CRYGN: variants seen among roughly 807,000 people sequenced by gnomAD.
CRYGN encodes the protein gamma-crystallin N.
A neutral mutation model predicts 19.2 loss-of-function variants in CRYGN; 17 were observed. The ratio of observed to expected loss-of-function variants is 0.89; its 90% CI spans 0.61 to 1.33. The LOEUF (loss-of-function observed/expected upper bound fraction) is 1.33, where lower values mean the gene tolerates loss of function less well. Ranked by LOEUF, CRYGN falls within the 40% of genes most tolerant of loss-of-function variation. CRYGN has a pLI of 0.00. For missense variants in CRYGN, 239 were observed against 239.6 expected (o/e 1.00, Z 0.02); for synonymous variants, 84 against 85.8 (o/e 0.98, Z 0.12).
chr7:151,431,811 G>T lies in CRYGN; in HGVS notation c.417-1631C>A. On this transcript the variant is annotated intron_variant, in intron 3 of 3. Coordinates refer to ENST00000337323, the MANE Select transcript of CRYGN (RefSeq NM_144727.3). This position sits in a 1 kb window ranked among gnomAD's most constrained non-coding sequence, Gnocchi z 4.8. ...AGGCCTTTGGCCACATGGCCTGGCAGCCTCACCTTGCCGAGTCACAGAGAG... is the reference window on the plus strand; with the variant it reads ...AGGCCTTTGGCCACATGGCCTGGCATCCTCACCTTGCCGAGTCACAGAGAG... 1 of 185,662 alleles carries T rather than the reference G, an allele frequency of 5.4e-6. No individual in the cohort carries two copies. Among genetic ancestry groups the T allele is most frequent in the Non-Finnish European group, 1.1e-5 (1 of 90,182 alleles). The allele number at this position is 185,662 out of a possible 1,614,324, so 11.5% of individuals were successfully genotyped here. A position where few individuals can be genotyped will look rare whatever the true frequency, so the allele number is the denominator to read the frequency against.
chr7:151,432,816 C>T (rs556728482), intron 3 of CRYGN, among the ~76,000 whole-genome samples: 20 of 152,286 alleles, frequency 1.3e-4, no homozygotes, highest in Non-Finnish European at 2.8e-4. Flanking sequence ...CACTGCACGC[C>T]CCACACACTC....
Position 151,431,463 on chromosome 7 carries a change from A to T in CRYGN, c.417-1283T>A, listed in dbSNP as rs1165438255. Reference sequence around the variant, plus strand: ...GGGCCCAGGAATGGAGGAATTCTACAGGCGAGCGCTTGGTGCTGCACCAGC... The same window carrying T: ...GGGCCCAGGAATGGAGGAATTCTACTGGCGAGCGCTTGGTGCTGCACCAGC... On this transcript the variant is annotated intron_variant, in intron 3 of 3. Transcript: ENST00000337323. The surrounding 1 kb of genome is among the most constrained non-coding windows in gnomAD (Gnocchi z 4.8). 6.6e-6 allele frequency among the ~76,000 whole-genome samples: 1 copy of T among 152,142 alleles called. No individual in the cohort carries two copies. Among genetic ancestry groups the T allele is most frequent in the Non-Finnish European group, 1.5e-5 (1 of 67,998 alleles).
chr7:151,439,391 C>T (rs1256068077), intron 1 of CRYGN, among the ~76,000 whole-genome samples: 1 of 152,166 alleles, frequency 6.6e-6, no homozygotes, highest in Admixed American at 6.5e-5. Flanking sequence ...GCCAGGTCTC[C>T]CGTCCTTCCT....
In CRYGN at chr7:151,440,076, C is replaced by T; in HGVS notation, c.-159G>A. 7.3e-7 allele frequency: 1 copy of T among 1,361,340 alleles called. No homozygotes were observed. The highest frequency in any genetic ancestry group is 2.7e-4 in the Middle Eastern group (1 of 3,664). The allele number at this position is 1,361,340 out of a possible 1,614,324, so 84.3% of individuals were successfully genotyped here. A position where few individuals can be genotyped will look rare whatever the true frequency, so the allele number is the denominator to read the frequency against. On this transcript the variant is annotated 5_prime_UTR_variant, in exon 1 of 4. Coordinates refer to ENST00000337323, the MANE Select transcript of CRYGN (RefSeq NM_144727.3). ...GCCACCAGGCGGTTGGGACCCGCCG[C>T]GGCCACCCTGTGCCACCGCGAGTGC...
rs559771919 is a variant in CRYGN, at chr7:151,435,468, C to T, written c.416+712G>A. Among the ~76,000 whole-genome samples, 1 of 152,246 alleles carries T rather than the reference C, an allele frequency of 6.6e-6. No homozygotes were observed. The highest frequency in any genetic ancestry group is 2.1e-4 in the South Asian group (1 of 4,822). The stretch of plus-strand genomic sequence containing the variant: ...AATACATGGCCAACTTGAAGGTGCT[C>T]AGAGGATAGTTGCAAAAGGGGAGTG... On this transcript the variant is annotated intron_variant, in intron 3 of 3. Transcript: ENST00000337323. This position sits in a 1 kb window ranked among gnomAD's most constrained non-coding sequence, Gnocchi z 4.2.
At position 151,436,135 on chromosome 7, in the gene CRYGN, G is replaced by A. The variant is rs546444296; in HGVS notation, c.416+45C>T. The A allele has an allele frequency of 8.3e-5, 114 of 1,369,204 alleles. No individual in the cohort carries two copies. The highest frequency in any genetic ancestry group is 1.6e-4 in the African/African-American group (11 of 67,152). 84.8% of individuals were successfully genotyped at this position (1,369,204 alleles called of 1,614,324 possible). On this transcript the variant is annotated intron_variant, in intron 3 of 3. Coordinates refer to ENST00000337323, the MANE Select transcript of CRYGN (RefSeq NM_144727.3). This position sits in a 1 kb window ranked among gnomAD's most constrained non-coding sequence, Gnocchi z 5.1. ...GCAGCCTCCCACGCCTGGTGCTGAA[G>A]GGCCTAGCCGGGCCTCGGGGTGCGG...
intron 2 of CRYGN, 34 bp downstream of exon 2, chr7:151,437,962 G>A (rs760805075): frequency 6.2e-7 from 1 of 1,608,712 alleles, no homozygotes; most frequent in South Asian, 1.1e-5. Flanking sequence ...CCTCCAGCAG[G>A]AAGACTCAGC....
rs73476444 is a variant in CRYGN at position 151,430,096 on chromosome 7, G to T, written c.501C>A (p.Thr167=). ...GTGGCTGGGTTGTTGCTGGTTTTGT[G>T]GTGGCCTCTTCCGGTCCTTGATCTG... ...LQSDQGPEEA[T]TKPATTQPPF... Residue 167 remains threonine (T), a synonymous_variant, in exon 4 of 4, where the codon ACC becomes ACA. Transcript: ENST00000337323. The surrounding 1 kb of genome is among the most constrained non-coding windows in gnomAD (Gnocchi z 5.2). The T allele has an allele frequency of 0.01, 15,709 of 1,532,502 alleles. 416 individuals are homozygous for T. The highest frequency in any genetic ancestry group is 0.086 in the African/African-American group (6,302 of 73,356). 94.9% of individuals were successfully genotyped at this position (1,532,502 alleles called of 1,614,324 possible).
chr7:151,429,976 C>T lies in CRYGN; in HGVS notation c.*72G>A. The stretch of plus-strand genomic sequence containing the variant: ...CTGGCAGAGAAATGAAAACTGAGGG[C>T]ATGATTTTAAGTAAACACTCTCCCG... On this transcript the variant is annotated 3_prime_UTR_variant, in exon 4 of 4. Coordinates refer to ENST00000337323, the MANE Select transcript of CRYGN (RefSeq NM_144727.3). 1 of 781,628 alleles carries T rather than the reference C, an allele frequency of 1.3e-6. No homozygotes were observed. Among genetic ancestry groups the T allele is most frequent in the Non-Finnish European group, 2.4e-6 (1 of 422,028 alleles). 48.4% of individuals were successfully genotyped at this position (781,628 alleles called of 1,614,324 possible).
chr7:151,440,148 C>A, upstream of CRYGN: 1 of 1,307,564 alleles, frequency 7.6e-7, no homozygotes, highest in African/African-American at 1.6e-5. Context: ...GTTTAGCTCC[C>A]GAGCCTCCTT....
rs2150909233 is a variant in CRYGN, at chr7:151,437,911, C to T, written c.270+85G>A. On this transcript the variant is annotated intron_variant, in intron 2 of 3. Coordinates refer to ENST00000337323, the MANE Select transcript of CRYGN (RefSeq NM_144727.3). ...CTTTAAAGCCGGGAGGACCACGCTC[C>T]CCGATTCCTTGCCACTGTCTGCCAG... 1.0e-5 allele frequency: 16 copies of T among 1,597,610 alleles called. 1 individual carries two copies. In the African/African-American group the frequency reaches 1.6e-4, roughly 16 times the overall value.
At position 151,429,871 on chromosome 7, in the gene CRYGN, G is replaced by C. The variant is rs1801424512; in HGVS notation, c.*177C>G. Reference sequence around the variant, plus strand: ...GGAGGGTTGGACGGCTGTTTCAGAAGAGACAGGGCCCTTGCCATGGGTGGG... The same window carrying C: ...GGAGGGTTGGACGGCTGTTTCAGAACAGACAGGGCCCTTGCCATGGGTGGG... On this transcript the variant is annotated 3_prime_UTR_variant, in exon 4 of 4. Coordinates refer to ENST00000337323, the MANE Select transcript of CRYGN (RefSeq NM_144727.3). 1.6e-6 allele frequency: 1 copy of C among 625,768 alleles called. No individual in the cohort carries two copies. The highest frequency in any genetic ancestry group is 2.7e-5 in the Admixed American group (1 of 36,532). The allele number at this position is 625,768 out of a possible 1,614,324, so 38.8% of individuals were successfully genotyped here. A position where few individuals can be genotyped will look rare whatever the true frequency, so the allele number is the denominator to read the frequency against.
rs1014211471 is a variant in CRYGN, at chr7:151,436,097, C to T, written c.416+83G>A. The stretch of plus-strand genomic sequence containing the variant: ...GTCTCATTCCCACCCCACCCACCAC[C>T]CCTGTGTGGCGGGCAGCCTCCCACG... On this transcript the variant is annotated intron_variant, in intron 3 of 3. Coordinates refer to ENST00000337323, the MANE Select transcript of CRYGN (RefSeq NM_144727.3). This position sits in a 1 kb window ranked among gnomAD's most constrained non-coding sequence, Gnocchi z 5.1. 7 of 1,146,616 alleles carry T rather than the reference C, an allele frequency of 6.1e-6. No homozygotes were observed. The African/African-American group carries it at 1.1e-4, about 18-fold the overall frequency. 71.0% of individuals were successfully genotyped at this position (1,146,616 alleles called of 1,614,324 possible).
In CRYGN at chr7:151,430,096, G is replaced by A; in HGVS notation, c.501C>T (p.Thr167=). The A allele has an allele frequency of 6.5e-7, 1 of 1,532,550 alleles. No homozygotes were observed. Among genetic ancestry groups the A allele is most frequent in the Non-Finnish European group, 9.0e-7 (1 of 1,105,484 alleles). 94.9% of individuals were successfully genotyped at this position (1,532,550 alleles called of 1,614,324 possible). ...LQSDQGPEEA[T]TKPATTQPPF... is the part of the protein sequence containing the mutation. The stretch of plus-strand genomic sequence containing the variant: ...GTGGCTGGGTTGTTGCTGGTTTTGT[G>A]GTGGCCTCTTCCGGTCCTTGATCTG... Residue 167 remains threonine (T), a synonymous_variant, in exon 4 of 4, where the codon ACC becomes ACT. Coordinates refer to ENST00000337323, the MANE Select transcript of CRYGN (RefSeq NM_144727.3). The surrounding 1 kb of genome is among the most constrained non-coding windows in gnomAD (Gnocchi z 5.2).
rs1431312649 is a variant in CRYGN, at chr7:151,429,753, C to T, written c.*295G>A. On this transcript the variant is annotated 3_prime_UTR_variant, in exon 4 of 4. Transcript: ENST00000337323. ...AAGTCAGTGCTCCATAAATATTCAT[C>T]AACATCATCACCATCATCAGCTGTG... 4 of 460,452 alleles carry T rather than the reference C, an allele frequency of 8.7e-6. No individual in the cohort carries two copies. The highest frequency in any genetic ancestry group is 7.2e-5 in the Admixed American group (2 of 27,770). The allele number at this position is 460,452 out of a possible 1,614,324, so 28.5% of individuals were successfully genotyped here.
In CRYGN at chr7:151,435,679, G is replaced by A. The variant is rs1801585449; in HGVS notation, c.416+501C>T. On this transcript the variant is annotated intron_variant, in intron 3 of 3. Coordinates refer to ENST00000337323, the MANE Select transcript of CRYGN (RefSeq NM_144727.3). The surrounding 1 kb of genome is among the most constrained non-coding windows in gnomAD (Gnocchi z 4.2). ...GTGGTGGGGGTTTGCAGAGAGGCCC[G>A]GTTCAGGGGTCAGCTCTGCGGGGTA... is the stretch of plus-strand genomic sequence containing the variant. Among the ~76,000 whole-genome samples the A allele has an allele frequency of 6.6e-6, 1 of 152,096 alleles. No homozygotes were observed. The highest frequency in any genetic ancestry group is 1.5e-5 in the Non-Finnish European group (1 of 67,974).
chr7:151,434,255 G>A (rs534535674), intron 3 of CRYGN, among the ~76,000 whole-genome samples: 46 of 152,270 alleles, frequency 3.0e-4, no homozygotes, highest in African/African-American at 1.0e-3. Flanking sequence ...CTCAGTCAGA[G>A]AAATGTTAGC....
chr7:151,436,142 G>A lies in CRYGN; in HGVS notation c.416+38C>T. Reference sequence around the variant, plus strand: ...CCCACGCCTGGTGCTGAAGGGCCTAGCCGGGCCTCGGGGTGCGGCCACGTG... The same window carrying A: ...CCCACGCCTGGTGCTGAAGGGCCTAACCGGGCCTCGGGGTGCGGCCACGTG... On this transcript the variant is annotated intron_variant, in intron 3 of 3. Coordinates refer to ENST00000337323, the MANE Select transcript of CRYGN (RefSeq NM_144727.3). The surrounding 1 kb of genome is among the most constrained non-coding windows in gnomAD (Gnocchi z 5.1). The A allele has an allele frequency of 7.2e-7, 1 of 1,387,136 alleles. No individual in the cohort carries two copies. Among genetic ancestry groups the A allele is most frequent in the South Asian group, 1.9e-5 (1 of 53,912 alleles). The allele number at this position is 1,387,136 out of a possible 1,614,324, so 85.9% of individuals were successfully genotyped here.
intron 1 of CRYGN, 82 bp from the exon 2 acceptor site, chr7:151,438,326 C>T: frequency 2.1e-6 from 3 of 1,401,762 alleles, no homozygotes; most frequent in African/African-American, 1.4e-5. Flanking sequence ...TCCCAACACC[C>T]TGGATGGAAC....
Sources: gnomAD v4.1 joint callset for allele counts (sites outside exome capture counted in the v4.1 genomes callset) on GRCh38, gnomAD v4.1.1 for gene constraint, Gnocchi (gnomAD v3.1) non-coding constraint, MANE v1.5 for transcripts, NCBI Gene and HGNC (gene_info 2026-07-23, HGNC 2026-07-21) for gene names.